The following PMEPA1 variants were observed in gnomAD, a reference collection of about 807,000 sequenced individuals.
PMEPA1 encodes the protein prostate transmembrane protein, androgen induced 1.
A neutral mutation model predicts 23.0 loss-of-function variants in PMEPA1; 11 were observed. The ratio of observed to expected loss-of-function variants is 0.48; its 90% CI spans 0.30 to 0.79. The LOEUF (loss-of-function observed/expected upper bound fraction) is 0.79, where lower values mean the gene tolerates loss of function less well. Ranked by LOEUF, PMEPA1 falls within the 30% of genes least tolerant of loss-of-function variation. PMEPA1 has a pLI of 0.06. For synonymous variants in PMEPA1, 204 were observed against 166.4 expected, an observed-to-expected ratio of 1.23 and a Z score of -1.74; for missense variants, 377 against 390.9, an observed-to-expected ratio of 0.96 and a Z score of 0.30.
intron 1 of PMEPA1, among the ~76,000 whole-genome samples, chr20:57,694,397 C>T (rs185825444): frequency 4.6e-5 from 7 of 152,232 alleles, no homozygotes; most frequent in Admixed American, 1.3e-4. Flanking sequence ...ATAATACTCA[C>T]GAAATCGACA....
At chr20:57,707,257 A>C (rs888440932) in intron 1 of PMEPA1, among the ~76,000 whole-genome samples, 1 of 151,786 alleles carries the variant, frequency 6.6e-6, no homozygotes, top group African/African-American at 2.4e-5. Flanking sequence ...CTTCCTTCCT[A>C]TCTTTTGGTG....
At chr20:57,692,655 C>T (rs1006249025) in intron 1 of PMEPA1, among the ~76,000 whole-genome samples, 6 of 152,218 alleles carry the variant, frequency 3.9e-5, no homozygotes, top group African/African-American at 1.4e-4. Context: ...AAGTGGCTGT[C>T]CCACCCCATG....
chr20:57,659,575 G>A lies in PMEPA1; in HGVS notation c.232C>T (p.Gln78Ter). Residue 78 changes from glutamine to a stop codon, truncating the protein, a stop_gained, in exon 2 of 4, where the codon CAG becomes TAG. Coordinates refer to ENST00000341744, the MANE Select transcript of PMEPA1 (RefSeq NM_020182.5). LOFTEE classifies it high-confidence loss of function. The part of the protein sequence containing the change: ...SARSFISRHS[Q>*]GRRREDALSS... ...AGGGCATCTTCTCTCCTCCGCCCCT[G>A]GCTGTGCCGGCTGATGAAGGACCGT... The A allele has an allele frequency of 6.2e-7, 1 of 1,613,906 alleles. No individual in the cohort carries two copies. Among genetic ancestry groups the A allele is most frequent in the East Asian group, 2.2e-5 (1 of 44,880 alleles).
In PMEPA1 at chr20:57,650,166, G is replaced by C. The variant is rs1398981509; in HGVS notation, c.*1887C>G. On this transcript the variant is annotated 3_prime_UTR_variant, in exon 4 of 4. Transcript: ENST00000341744. ...GCACACGTTTCACATGCATGAGCTC[G>C]AGTGGCTAGAACTTCAAAACTGTGC... The C allele has an allele frequency of 1.3e-5, 2 of 152,210 alleles. No individual in the cohort carries two copies. The highest frequency in any genetic ancestry group is 4.8e-5 in the African/African-American group (2 of 41,426). The allele number at this position is 152,210 out of a possible 1,614,324, so 9.4% of individuals were successfully genotyped here. A position where few individuals can be genotyped will look rare whatever the true frequency, so the allele number is the denominator to read the frequency against.
Position 57,650,498 on chromosome 20 carries a change from A to T in PMEPA1, c.*1555T>A, listed in dbSNP as rs2071210446. On this transcript the variant is annotated 3_prime_UTR_variant, in exon 4 of 4. Coordinates refer to ENST00000341744, the MANE Select transcript of PMEPA1 (RefSeq NM_020182.5). ...CCTTCCTGTCCTTCACCTGCACGTC[A>T]CCAGCAGGTCCCGCCAACCCCAAAT... The T allele has an allele frequency of 6.6e-6, 1 of 152,242 alleles. No homozygotes were observed. The highest frequency in any genetic ancestry group is 6.5e-5 in the Admixed American group (1 of 15,280). 9.4% of individuals were successfully genotyped at this position (152,242 alleles called of 1,614,324 possible).
chr20:57,652,171 C>T lies in PMEPA1; in HGVS notation c.746G>A (p.Ser249Asn). 2 of 1,608,236 alleles carry T rather than the reference C, an allele frequency of 1.2e-6. No homozygotes were observed. The highest frequency in any genetic ancestry group is 1.7e-6 in the Non-Finnish European group (2 of 1,177,762). Residue 249 changes from serine to asparagine, a missense_variant, in exon 4 of 4, where the codon AGC (serine) becomes AAC (asparagine). Transcript: ENST00000341744. The surrounding 1 kb of genome is among the most constrained non-coding windows in gnomAD (Gnocchi z 6.1). ...YPGSSFQHQQ[S>N]SGPPSLLEGT... The stretch of plus-strand genomic sequence containing the variant: ...CTCCAGCAAGGAGGGCGGCCCACTG[C>T]TCTGCTGGTGCTGGAAGGAGGACCC...
rs899749620 is a variant in PMEPA1, at chr20:57,655,040, C to G, written c.265-1954G>C. Among the ~76,000 whole-genome samples the G allele has an allele frequency of 3.3e-5, 5 of 151,510 alleles. No individual in the cohort carries two copies. The highest frequency in any genetic ancestry group is 5.9e-5 in the Non-Finnish European group (4 of 67,876). ...CAACCCCTTACCGAGGCCCATACCC[C>G]CTAGATGTCCACGGCCGTAGTATAG... On this transcript the variant is annotated intron_variant, in intron 2 of 3. Coordinates refer to ENST00000341744, the MANE Select transcript of PMEPA1 (RefSeq NM_020182.5). The surrounding 1 kb of genome is among the most constrained non-coding windows in gnomAD (Gnocchi z 4.2).
intron 1 of PMEPA1, among the ~76,000 whole-genome samples, chr20:57,670,568 C>T (rs1017911427): frequency 7.2e-5 from 11 of 152,282 alleles, no homozygotes; most frequent in South Asian, 4.1e-4. Context: ...TGCAATGCCC[C>T]GTCGGCCTTG....
rs902559429 is a variant in PMEPA1, at chr20:57,683,601, T to G, written c.110-23904A>C. Among the ~76,000 whole-genome samples, 6 of 130,664 alleles carry G rather than the reference T, an allele frequency of 4.6e-5. No individual in the cohort carries two copies. The highest frequency in any genetic ancestry group is 1.6e-4 in the African/African-American group (5 of 30,798). The allele number at this position is 130,664 out of a possible 152,430, so 85.7% of individuals were successfully genotyped here. A position where few individuals can be genotyped will look rare whatever the true frequency, so the allele number is the denominator to read the frequency against. On this transcript the variant is annotated intron_variant, in intron 1 of 3. Coordinates refer to ENST00000341744, the MANE Select transcript of PMEPA1 (RefSeq NM_020182.5). The surrounding 1 kb of genome is among the most constrained non-coding windows in gnomAD (Gnocchi z 4.3). ...TGTGTGTGTTTCTTTTAAAAGTCTC[T>G]TCCCCTGAAAATACTTCATGTTGAT... is the stretch of plus-strand genomic sequence containing the variant.
chr20:57,705,503 G>A (rs1429297434), intron 1 of PMEPA1, among the ~76,000 whole-genome samples: 5 of 152,146 alleles, frequency 3.3e-5, no homozygotes, highest in Non-Finnish European at 7.3e-5. Context: ...TTTCACTAAC[G>A]CCAGGGTCTC....
rs1283102033 is a variant in PMEPA1, at chr20:57,651,948, C to T, written c.*105G>A. On this transcript the variant is annotated 3_prime_UTR_variant, in exon 4 of 4. Transcript: ENST00000341744. ...AGGGAGGTGGGAGGGGAGGGCCACA[C>T]GATGCGTTGCTGCGCCCCCCGCCTT... 2.7e-5 allele frequency: 25 copies of T among 909,958 alleles called. No individual in the cohort carries two copies. Among genetic ancestry groups the T allele is most frequent in the African/African-American group, 3.4e-5 (2 of 59,162 alleles). The allele number at this position is 909,958 out of a possible 1,614,324, so 56.4% of individuals were successfully genotyped here.
intron 1 of PMEPA1, among the ~76,000 whole-genome samples, chr20:57,660,444 C>A (rs893351611): frequency 2.7e-5 from 4 of 150,452 alleles, no homozygotes; most frequent in African/African-American, 9.8e-5. Flanking sequence ...CCAACACGTA[C>A]CCCTAACACT....
chr20:57,709,915 CT>C lies in PMEPA1; in HGVS notation c.-334del. On this transcript the variant is annotated 5_prime_UTR_variant, in exon 1 of 4. It removes the in-frame stop codon of an upstream open reading frame in the 5' UTR. Coordinates refer to ENST00000341744, the MANE Select transcript of PMEPA1 (RefSeq NM_020182.5). ...CCGCTAGCTTTCCCCAGCCGAGCGCCTCCGCCGCCGCCGCCGCCGCCGCCTC... is the reference window on the plus strand; with the variant it reads ...CCGCTAGCTTTCCCCAGCCGAGCGCCCCGCCGCCGCCGCCGCCGCCGCCTC... 9.9e-7 allele frequency: 1 copy of C among 1,010,218 alleles called. No individual in the cohort carries two copies. Among genetic ancestry groups the C allele is most frequent in the Non-Finnish European group, 1.2e-6 (1 of 849,272 alleles). The allele number at this position is 1,010,218 out of a possible 1,614,324, so 62.6% of individuals were successfully genotyped here. A position where few individuals can be genotyped will look rare whatever the true frequency, so the allele number is the denominator to read the frequency against.
chr20:57,682,573 C>T lies in PMEPA1; in HGVS notation c.110-22876G>A, dbSNP rs181143059. On this transcript the variant is annotated intron_variant, in intron 1 of 3. Transcript: ENST00000341744. The surrounding 1 kb of genome is among the most constrained non-coding windows in gnomAD (Gnocchi z 4.4). ...CAGAGCAGGCTCCCGTGCCCACCGCCCCACACCTGGAAGACGAAAGGACAC... is the reference window on the plus strand; with the variant it reads ...CAGAGCAGGCTCCCGTGCCCACCGCTCCACACCTGGAAGACGAAAGGACAC... Among the ~76,000 whole-genome samples, 31 of 152,214 alleles carry T rather than the reference C, an allele frequency of 2.0e-4. No individual in the cohort carries two copies. Among genetic ancestry groups the T allele is most frequent in the South Asian group, 1.5e-3 (7 of 4,812 alleles).
intron 1 of PMEPA1, among the ~76,000 whole-genome samples, chr20:57,675,489 C>T (rs866805734): frequency 9.9e-5 from 15 of 152,254 alleles, no homozygotes; most frequent in Admixed American, 7.2e-4. Context: ...CCTAGCCTGG[C>T]GCTTGGCTCA....
chr20:57,697,794 T>C (rs2071960185), intron 1 of PMEPA1, among the ~76,000 whole-genome samples: 1 of 152,236 alleles, frequency 6.6e-6, no homozygotes, highest in Admixed American at 6.5e-5. Flanking sequence ...ACAACTCTGA[T>C]TACCCTCTAG....
At chr20:57,703,232 T>G (rs2072035281) in intron 1 of PMEPA1, among the ~76,000 whole-genome samples, 1 of 152,154 alleles carries the variant, frequency 6.6e-6, no homozygotes, top group African/African-American at 2.4e-5. Context: ...TCCCCGGCCC[T>G]CCCCCGCTGC....
At chr20:57,692,566 G>A (rs2071896815) in intron 1 of PMEPA1, among the ~76,000 whole-genome samples, 2 of 152,246 alleles carry the variant, frequency 1.3e-5, no homozygotes, top group African/African-American at 2.4e-5. Flanking sequence ...TGCAGCTGGC[G>A]GGTCACGAGC....
In PMEPA1 at chr20:57,672,201, G is replaced by A. The variant is rs79718854; in HGVS notation, c.110-12504C>T. Among the ~76,000 whole-genome samples, 1,506 of 152,380 alleles carry A rather than the reference G, an allele frequency of 9.9e-3. 22 individuals are homozygous for A. The highest frequency in any genetic ancestry group is 0.033 in the African/African-American group (1,392 of 41,584). The stretch of plus-strand genomic sequence containing the variant: ...ACATACCAGAAAGACTCTCGCACGC[G>A]CACGTGTGTGCCTGCATGCACTCAC... On this transcript the variant is annotated intron_variant, in intron 1 of 3. Transcript: ENST00000341744.
Sources: gnomAD v4.1 joint callset for allele counts (sites outside exome capture counted in the v4.1 genomes callset) on GRCh38, gnomAD v4.1.1 for gene constraint, Gnocchi (gnomAD v3.1) non-coding constraint, MANE v1.5 for transcripts, NCBI Gene and HGNC (gene_info 2026-07-23, HGNC 2026-07-21) for gene names.